The following CDK13 variants were observed in gnomAD, a reference collection of about 807,000 sequenced individuals.
CDK13 encodes the protein cyclin-dependent kinase 13.
In CDK13, 40 loss-of-function variants were observed where a neutral mutation model predicts 137.6. The observed-to-expected ratio is 0.29, with a 90% CI of 0.23 to 0.38. CDK13 has a LOEUF of 0.38. CDK13 is among the 10% of genes least tolerant of loss of function. The pLI, the probability that CDK13 is intolerant of heterozygous loss-of-function variation, is 1.00. For synonymous variants in CDK13, 869 were observed against 760.1 expected, an observed-to-expected ratio of 1.14 and a Z score of -2.36; for missense variants, 1,704 against 1,951.8, an observed-to-expected ratio of 0.87 and a Z score of 2.39.
At chr7:40,082,147 T>C (rs1422139545) in intron 11 of CDK13, among the ~76,000 whole-genome samples, 1 of 152,214 alleles carries the variant, frequency 6.6e-6, no homozygotes, top group Non-Finnish European at 1.5e-5. Flanking sequence ...GTTATATCAC[T>C]GAGTTCTTGG....
At chr7:40,069,248 T>G (rs1477807095) in intron 9 of CDK13, 8 of 441,004 alleles carry the variant, frequency 1.8e-5, no homozygotes, top group Non-Finnish European at 4.5e-6. Context: ...AAAACAGAAA[T>G]AAAACAACAA....
At chr7:40,037,424 G>A (rs1785508357) in intron 5 of CDK13, among the ~76,000 whole-genome samples, 1 of 152,130 alleles carries the variant, frequency 6.6e-6, no homozygotes, top group African/African-American at 2.4e-5. Context: ...TTCTTTACAT[G>A]GGCCTTCCAC....
At chr7:40,063,457 T>A (rs1786200734) in intron 9 of CDK13, among the ~76,000 whole-genome samples, 1 of 151,792 alleles carries the variant, frequency 6.6e-6, no homozygotes, top group African/African-American at 2.4e-5. Flanking sequence ...AAATGAAAAA[T>A]TCATGTTTTG....
At chr7:40,052,992 A>G (rs1785926834) in intron 7 of CDK13, among the ~76,000 whole-genome samples, 1 of 152,210 alleles carries the variant, frequency 6.6e-6, no homozygotes, top group Non-Finnish European at 1.5e-5. Context: ...ATGAATGACA[A>G]TAAATAATAT....
At chr7:39,976,288 G>GTCTCTC (rs1174858221) in intron 1 of CDK13, among the ~76,000 whole-genome samples, 333 of 29,872 alleles carry the variant, frequency 0.011, 5 homozygotes, top group African/African-American at 0.022. Flanking sequence ...GCGAGATTCC[G>GTCTCTC]TCTCTCTCTC....
intron 5 of CDK13, among the ~76,000 whole-genome samples, chr7:40,013,683 A>G (rs1444223551): frequency 1.3e-5 from 2 of 152,172 alleles, no homozygotes; most frequent in Admixed American, 6.6e-5. Context: ...TCTAAAATTC[A>G]TTGTAGTGAT....
At chr7:39,971,927 C>T (rs1156272812) in intron 1 of CDK13, among the ~76,000 whole-genome samples, 14 of 152,162 alleles carry the variant, frequency 9.2e-5, no homozygotes, top group Middle Eastern at 3.4e-3. Flanking sequence ...CAGCCCCACA[C>T]GGTTAGAAAA....
chr7:40,076,746 T>C (rs1786553227), intron 9 of CDK13, among the ~76,000 whole-genome samples: 1 of 152,230 alleles, frequency 6.6e-6, no homozygotes, highest in Admixed American at 6.5e-5. Context: ...TGAGGTATCA[T>C]TCTAAAGCTC....
chr7:40,012,757 C>T lies in CDK13; in HGVS notation c.2353+10726C>T, dbSNP rs147489966. 5.7e-4 allele frequency among the ~76,000 whole-genome samples: 87 copies of T among 151,850 alleles called. 1 individual carries two copies. Among genetic ancestry groups the T allele is most frequent in the African/African-American group, 2.0e-3 (82 of 41,412 alleles). ...TGCAACCCCGTCTCTACTAAAAATACAAAAATCAGCTGGGCGCAGTGGTGG... is the reference window on the plus strand; with the variant it reads ...TGCAACCCCGTCTCTACTAAAAATATAAAAATCAGCTGGGCGCAGTGGTGG... On this transcript the variant is annotated intron_variant, in intron 5 of 13. Transcript: ENST00000181839.
chr7:40,003,279 T>C (rs1321320337), intron 5 of CDK13, among the ~76,000 whole-genome samples: 1 of 151,822 alleles, frequency 6.6e-6, no homozygotes, highest in Non-Finnish European at 1.5e-5. Flanking sequence ...ATGGTAGTTA[T>C]TTTGCATAAA....
rs368952586 is a variant in CDK13, at chr7:40,036,758, G to A, written c.2354-9078G>A. 3.9e-4 allele frequency among the ~76,000 whole-genome samples: 59 copies of A among 151,182 alleles called. 1 individual carries two copies. The South Asian group carries it at 0.012, about 30-fold the overall frequency. On this transcript the variant is annotated intron_variant, in intron 5 of 13. Coordinates refer to ENST00000181839, the MANE Select transcript of CDK13 (RefSeq NM_003718.5). ...TTTTTAAGTGAATCTCAGGCTCATT[G>A]TATTATAAAAGTTAGTCTTTGATTA...
chr7:40,076,582 T>TAAGACA (rs1293050811), intron 9 of CDK13, among the ~76,000 whole-genome samples: 2 of 151,364 alleles, frequency 1.3e-5, no homozygotes, highest in Non-Finnish European at 2.9e-5. Flanking sequence ...AATTGGACTT[T>TAAGACA]AAGACAAAAG....
intron 7 of CDK13, among the ~76,000 whole-genome samples, chr7:40,051,959 C>G (rs1295613797): frequency 6.6e-6 from 1 of 152,138 alleles, no homozygotes; most frequent in East Asian, 1.9e-4. Context: ...ATTAACTGTT[C>G]ATCTTTTAGT....
intron 9 of CDK13, chr7:40,073,632 GC>G (rs1198270821): frequency 1.4e-5 from 2 of 143,272 alleles, no homozygotes; most frequent in African/African-American, 5.2e-5. Context: ...TCGCTGTGTT[GC>G]CAGGCTGGAG....
At chr7:40,001,640 A>G (rs1784688144) in intron 4 of CDK13, among the ~76,000 whole-genome samples, 1 of 152,190 alleles carries the variant, frequency 6.6e-6, no homozygotes, top group South Asian at 2.1e-4. Flanking sequence ...TAATGGTTGT[A>G]TAGTATTCCC....
chr7:40,093,068 T>G lies in CDK13; in HGVS notation c.3519T>G (p.Asp1173Glu), dbSNP rs774361558. Residue 1173 changes from aspartate (D) to glutamate (E), a missense_variant, in exon 13 of 14, where the codon GAT becomes GAG. Transcript: ENST00000181839. The part of the protein sequence containing the change: ...SQTIQPKVET[D>E]AAQAAVQSAF... The stretch of plus-strand genomic sequence containing the variant: ...CCATCCAGCCTAAAGTGGAGACTGA[T>G]GCTGCCCAGGCGGCTGTGCAGAGTG... 3 of 1,614,094 alleles carry G rather than the reference T, an allele frequency of 1.9e-6. No homozygotes were observed. Among genetic ancestry groups the G allele is most frequent in the South Asian group, 1.1e-5 (1 of 91,092 alleles).
chr7:40,093,172 A>T lies in CDK13; in HGVS notation c.3623A>T (p.Asn1208Ile), dbSNP rs1192273033. ...GATGTGCTACTAGAAGAGAGGGAAAATGGATCGGGACATGAAGCGTCATTA... is the reference window on the plus strand; with the variant it reads ...GATGTGCTACTAGAAGAGAGGGAAATTGGATCGGGACATGAAGCGTCATTA... Reference protein sequence around the residue: ...QKDVLLEERENGSGHEASLQL... With the variant: ...QKDVLLEEREIGSGHEASLQL... The change falls in exon 13 of 14, where the codon AAT becomes ATT. Residue 1208 changes from asparagine to isoleucine, a missense_variant. Physicochemically the swap from Asn to Ile is moderately radical, Grantham distance 149. Coordinates refer to ENST00000181839, the MANE Select transcript of CDK13 (RefSeq NM_003718.5). 1 of 1,614,156 alleles carries T rather than the reference A, an allele frequency of 6.2e-7. No individual in the cohort carries two copies. The highest frequency in any genetic ancestry group is 1.1e-5 in the South Asian group (1 of 91,086).
chr7:40,082,113 G>C (rs181807959), intron 11 of CDK13, among the ~76,000 whole-genome samples: 3 of 152,244 alleles, frequency 2.0e-5, no homozygotes, highest in African/African-American at 7.2e-5. Context: ...ATTAGCATTT[G>C]AGAATGTAAG....
chr7:39,957,496 A>G (rs1228570713), intron 1 of CDK13, among the ~76,000 whole-genome samples: 1 of 152,202 alleles, frequency 6.6e-6, no homozygotes, highest in Non-Finnish European at 1.5e-5. Flanking sequence ...AGTGCAAACC[A>G]GTCTGCACAG....
Sources: gnomAD v4.1 joint callset for allele counts (sites outside exome capture counted in the v4.1 genomes callset) on GRCh38, gnomAD v4.1.1 for gene constraint, MANE v1.5 for transcripts, NCBI Gene and HGNC (gene_info 2026-07-23, HGNC 2026-07-21) for gene names.